The following XBP1 variants were observed in gnomAD, a reference collection of about 807,000 sequenced individuals.
The protein encoded by XBP1 is X-box-binding protein 1.
XBP1 carries 18 observed loss-of-function variants against 34.6 expected under a neutral mutation model. The ratio of observed to expected loss-of-function variants is 0.52; its 90% confidence interval spans 0.36 to 0.77. XBP1 has a LOEUF of 0.77. Ranked by LOEUF, XBP1 falls within the 30% of genes least tolerant of loss-of-function variation. XBP1 has a pLI of 0.00. For synonymous variants in XBP1, 191 were observed against 193.4 expected (o/e 0.99, Z 0.11); for missense variants, 422 against 464.6 (o/e 0.91, Z 0.84).
upstream of XBP1, chr22:28,800,537 C>G (rs1265338779): frequency 1.4e-6 from 2 of 1,472,764 alleles, no homozygotes; most frequent in African/African-American, 1.5e-5. Context: ...CTCCAGACTA[C>G]GCACCGCGCA....
downstream of XBP1, chr22:28,794,867 T>G (rs916847261): frequency 4.4e-6 from 1 of 224,794 alleles, no homozygotes; most frequent in Non-Finnish European, 8.6e-6. Context: ...ATTTGTCTAA[T>G]GACCCTTACA....
intron 2 of XBP1, 193 bp downstream of exon 2, chr22:28,798,864 G>C (rs2031805251): frequency 2.3e-6 from 1 of 426,832 alleles, no homozygotes; most frequent in Admixed American, 3.8e-5. Context: ...CAAGTGATCT[G>C]CCCAACTCAG....
rs1601437461 is a variant in XBP1 at position 28,797,221 on chromosome 22, T to C, written c.325-16A>G. The C allele has an allele frequency of 2.5e-6, 4 of 1,609,792 alleles. No homozygotes were observed. In the East Asian group the frequency reaches 6.7e-5, roughly 27 times the overall value. ...GTTTTTGGTTCTGGAAGAAAGTTCA[T>C]AAGAGGCTATTAAAACATCTAATTA... On this transcript the variant is annotated splice_polypyrimidine_tract_variant and intron_variant, in intron 2 of 5. Coordinates refer to ENST00000344347, the Ensembl canonical transcript of XBP1.
At chr22:28,795,233 T>C in exon 6 of XBP1, 2 of 1,547,616 alleles carry the variant, frequency 1.3e-6, no homozygotes, top group Non-Finnish European at 1.7e-6. Flanking sequence ...CCAAGAATGG[T>C]TTACACCAAG....
chr22:28,796,812 C>CTA, intron 3 of XBP1: 1 of 259,058 alleles, frequency 3.9e-6, no homozygotes, highest in East Asian at 8.3e-5. Flanking sequence ...ATCTTGTTGG[C>CTA]TACTGCATTT....
chr22:28,800,038 C>T (rs1297045166), intron 1 of XBP1: 2 of 777,956 alleles, frequency 2.6e-6, no homozygotes, highest in African/African-American at 1.7e-5. Context: ...TGCCCGCATC[C>T]CCAGCTCTGG....
exon 6 of XBP1, chr22:28,795,412 A>G (rs1387484354): frequency 6.4e-7 from 1 of 1,569,746 alleles, no homozygotes; most frequent in East Asian, 2.4e-5. Flanking sequence ...TCACTGAGAC[A>G]ATGAATTCAG....
At chr22:28,795,858 A>T in intron 5 of XBP1, 126 bp from the exon 6 acceptor site, 3 of 1,228,176 alleles carry the variant, frequency 2.4e-6, no homozygotes, top group Non-Finnish European at 3.4e-6. Context: ...CTCGGGACCC[A>T]CCAGACCCAT....
upstream of XBP1, chr22:28,800,547 A>T: frequency 6.1e-6 from 9 of 1,472,354 alleles, no homozygotes; most frequent in Non-Finnish European, 8.0e-6. Flanking sequence ...CGCACCGCGC[A>T]CCGCGCGCCG....
upstream of XBP1, chr22:28,800,549 C>G (rs1028058887): frequency 2.0e-6 from 3 of 1,472,314 alleles, no homozygotes; most frequent in East Asian, 5.8e-5. Context: ...CACCGCGCAC[C>G]GCGCGCCGCA....
chr22:28,799,477 C>A (rs2031823877), intron 1 of XBP1, among the ~76,000 whole-genome samples: 5 of 152,154 alleles, frequency 3.3e-5, no homozygotes, highest in African/African-American at 1.2e-4. Context: ...TCTATTCCCC[C>A]GCTGCTTCCT....
In XBP1 at chr22:28,795,648, C is replaced by T. The variant is rs1378643030; in HGVS notation, c.658G>A (p.Glu220Lys). The T allele has an allele frequency of 6.2e-7, 1 of 1,605,698 alleles. No homozygotes were observed. The highest frequency in any genetic ancestry group is 1.3e-5 in the African/African-American group (1 of 74,600). ...CCTTCTGGGTAGACCTCTGGGAGCT[C>T]CTCCAGGCTGGCAGGCTCTGGGGAA... The change falls in exon 6 of 6, where the codon GAG becomes AAG. Residue 220 changes from glutamate to lysine, a missense_variant. Around this residue, in one of 3 missense-constraint regions of XBP1, gnomAD observed 292 missense variants for 339.9 expected, o/e 0.86. Coordinates refer to ENST00000344347, the Ensembl canonical transcript of XBP1.
intron 2 of XBP1, 73 bp downstream of exon 2, chr22:28,798,984 G>C: frequency 7.9e-7 from 1 of 1,262,390 alleles, no homozygotes; most frequent in African/African-American, 1.5e-5. Context: ...CTTGGGATGG[G>C]AAGCAAATAT....
Position 28,795,653 on chromosome 22 carries a change from A to T in XBP1, c.653T>A (p.Leu218Gln), listed in dbSNP as rs900168839. ...TGGGTAGACCTCTGGGAGCTCCTCCAGGCTGGCAGGCTCTGGGGAAGGGCA... is the reference window on the plus strand; with the variant it reads ...TGGGTAGACCTCTGGGAGCTCCTCCTGGCTGGCAGGCTCTGGGGAAGGGCA... Residue 218 changes from leucine to glutamine, a missense_variant, in exon 6 of 6, where the codon CTG becomes CAG. Leu to Gln is a moderately radical substitution (Grantham distance 113). Around this residue, in one of 3 missense-constraint regions of XBP1, gnomAD observed 292 missense variants for 339.9 expected, o/e 0.86. Coordinates refer to ENST00000344347, the Ensembl canonical transcript of XBP1. 61 of 1,602,156 alleles carry T rather than the reference A, an allele frequency of 3.8e-5. No individual in the cohort carries two copies. The highest frequency in any genetic ancestry group is 5.0e-5 in the Non-Finnish European group (59 of 1,174,838).
intron 2 of XBP1, among the ~76,000 whole-genome samples, chr22:28,798,215 A>C (rs2031786121): frequency 6.6e-6 from 1 of 152,118 alleles, no homozygotes; most frequent in South Asian, 2.1e-4. Context: ...TTTGAGATAC[A>C]TCTAGCACCA....
chr22:28,795,851 G>A (rs1228966178), intron 5 of XBP1, 119 bp from the exon 6 acceptor site: 5 of 1,249,474 alleles, frequency 4.0e-6, no homozygotes, highest in East Asian at 2.4e-5. Context: ...AGATGACCTC[G>A]GGACCCACCA....
In XBP1 at chr22:28,798,705, G is replaced by A. The variant is rs1045536533; in HGVS notation, c.324+352C>T. On this transcript the variant is annotated intron_variant, in intron 2 of 5. Coordinates refer to ENST00000344347, the Ensembl canonical transcript of XBP1. ...GCTCACTGCAACCTCCCTCTCCCAG[G>A]TTCAAACAATCCTCCCACCTCAACC... Among the ~76,000 whole-genome samples the A allele has an allele frequency of 2.7e-5, 4 of 149,912 alleles. No individual in the cohort carries two copies. The East Asian group carries it at 7.9e-4, about 30-fold the overall frequency.
chr22:28,800,478 T>G, exon 1 of XBP1: 1 of 1,485,614 alleles, frequency 6.7e-7, no homozygotes, highest in Non-Finnish European at 8.9e-7. Context: ...AAGCAGAACT[T>G]TAGGGGTCCC....
At chr22:28,798,480 T>C (rs913434319) in intron 2 of XBP1, among the ~76,000 whole-genome samples, 1 of 151,858 alleles carries the variant, frequency 6.6e-6, no homozygotes, top group Admixed American at 6.6e-5. Flanking sequence ...GGCTAATTTT[T>C]GTATTTTTAA....
Sources: allele counts gnomAD v4.1 joint callset (sites outside exome capture counted in the v4.1 genomes callset), GRCh38; gene constraint gnomAD v4.1.1; regional missense constraint gnomAD v4.1.1; transcripts MANE v1.5; gene names NCBI Gene and HGNC (gene_info 2026-07-23, HGNC 2026-07-21).